The following CSMD1 variants were observed in gnomAD, a reference collection of about 807,000 sequenced individuals.
CSMD1 encodes CUB and sushi domain-containing protein 1.
In CSMD1, 213 loss-of-function variants were observed where a neutral mutation model predicts 417.5. The ratio of observed to expected loss-of-function variants is 0.51; its 90% confidence interval spans 0.46 to 0.57. CSMD1 has a LOEUF of 0.57. Among genes scored for constraint, CSMD1 ranks in the 20% least tolerant of loss-of-function variants. CSMD1 has a pLI of 0.00. For missense variants in CSMD1, 6,923 were observed against 4,529.7 expected (o/e 1.53, Z -15.17); for synonymous variants, 2,862 against 1,736.8 (o/e 1.65, Z -16.11).
intron 3 of CSMD1, among the ~76,000 whole-genome samples, chr8:4,213,854 C>G (rs541056803): frequency 4.6e-5 from 7 of 152,228 alleles, no homozygotes; most frequent in Non-Finnish European, 8.8e-5. Flanking sequence ...AGTGTTTAGG[C>G]TGAGAATCAG....
chr8:3,406,683 C>T (rs1316374053), intron 14 of CSMD1, among the ~76,000 whole-genome samples: 1 of 152,154 alleles, frequency 6.6e-6, no homozygotes, highest in African/African-American at 2.4e-5. Context: ...GTTACTATAA[C>T]ACTAAATGAA....
chr8:4,532,685 CCATT>C (rs749301937), intron 2 of CSMD1, among the ~76,000 whole-genome samples: 1 of 145,328 alleles, frequency 6.9e-6, no homozygotes, highest in Non-Finnish European at 1.5e-5. Flanking sequence ...TCCTGCACCC[CCATT>C]CAATCACTTT....
chr8:3,397,525 C>T (rs762433684), intron 16 of CSMD1, among the ~76,000 whole-genome samples: 1 of 152,208 alleles, frequency 6.6e-6, no homozygotes, highest in Non-Finnish European at 1.5e-5. Context: ...TTGTATATCA[C>T]ACATCTGGAC....
chr8:4,188,585 C>T (rs11995033), intron 3 of CSMD1, among the ~76,000 whole-genome samples: 1 of 152,050 alleles, frequency 6.6e-6, no homozygotes, highest in Non-Finnish European at 1.5e-5. Context: ...CTGACGCGCC[C>T]TACAGTTCAC....
chr8:4,512,945 G>A (rs538204139), intron 2 of CSMD1, among the ~76,000 whole-genome samples: 13 of 152,084 alleles, frequency 8.5e-5, no homozygotes, highest in African/African-American at 2.4e-4. Flanking sequence ...TAATATTTTC[G>A]AAACAGCAAA....
chr8:4,021,968 T>G (rs974879199), intron 4 of CSMD1, among the ~76,000 whole-genome samples: 2 of 151,920 alleles, frequency 1.3e-5, no homozygotes, highest in Non-Finnish European at 2.9e-5. Flanking sequence ...TTCAGTCAAG[T>G]GCTGCCTAGG....
chr8:3,262,228 T>TACACAC (rs1417438391), intron 26 of CSMD1, among the ~76,000 whole-genome samples: 6 of 78,164 alleles, frequency 7.7e-5, no homozygotes, highest in Admixed American at 2.4e-4. Context: ...TATATATATA[T>TACACAC]ATACACACAC....
At chr8:3,694,806 G>C (rs986069328) in intron 7 of CSMD1, among the ~76,000 whole-genome samples, 13 of 151,872 alleles carry the variant, frequency 8.6e-5, no homozygotes, top group African/African-American at 2.9e-4. Flanking sequence ...AAAGTGCAGG[G>C]AGCCAGGGGA....
At position 3,685,811 on chromosome 8, in the gene CSMD1, T is replaced by G. The variant is rs368611807; in HGVS notation, c.1009+22603A>C. On this transcript the variant is annotated intron_variant, in intron 7 of 69. Transcript: ENST00000635120. ...AAGTTATATACATTTATAAAGTACA[T>G]GAGATGTTTTGACACAGGCATGCGA... Among the ~76,000 whole-genome samples the G allele has an allele frequency of 1.3e-4, 20 of 152,284 alleles. No individual in the cohort carries two copies. In the South Asian group the frequency reaches 4.1e-3, roughly 32 times the overall value.
Position 4,351,515 on chromosome 8 carries a change from C to T in CSMD1, c.415+68438G>A, listed in dbSNP as rs114203626. Among the ~76,000 whole-genome samples, 433 of 152,272 alleles carry T rather than the reference C, an allele frequency of 2.8e-3. 1 individual carries two copies. The highest frequency in any genetic ancestry group is 9.5e-3 in the African/African-American group (393 of 41,548). On this transcript the variant is annotated intron_variant, in intron 3 of 69. Coordinates refer to ENST00000635120, the MANE Select transcript of CSMD1 (RefSeq NM_033225.6). ...TAGATTAGGAAGAAAATTGACAGAA[C>T]TTAAATTGTGAGATTCATGGAGGTA...
chr8:4,965,695 C>T (rs1809814060), intron 1 of CSMD1, among the ~76,000 whole-genome samples: 1 of 152,062 alleles, frequency 6.6e-6, no homozygotes, highest in Admixed American at 6.6e-5. Context: ...GCTGGATGTT[C>T]AAATAAGATA....
chr8:3,485,538 C>CACACACACAGAGAGAGAG (rs376214281), intron 11 of CSMD1, among the ~76,000 whole-genome samples: 35 of 134,922 alleles, frequency 2.6e-4, no homozygotes, highest in Non-Finnish European at 4.5e-4. Flanking sequence ...CACACACACA[C>CACACACACAGAGAGAGAG]AGAGAGAGAG....
chr8:3,981,767 G>A (rs1288775791), intron 5 of CSMD1, among the ~76,000 whole-genome samples: 2 of 152,130 alleles, frequency 1.3e-5, no homozygotes, highest in East Asian at 1.9e-4. Flanking sequence ...CGTCCGACAG[G>A]CTGTGCGCTT....
intron 12 of CSMD1, among the ~76,000 whole-genome samples, chr8:3,451,776 T>C (rs951685598): frequency 3.3e-5 from 5 of 152,200 alleles, no homozygotes; most frequent in South Asian, 2.1e-4. Flanking sequence ...TTCTTTTGGC[T>C]TAGGATTGAC....
intron 3 of CSMD1, among the ~76,000 whole-genome samples, chr8:4,366,703 TTTTA>T (rs762655958): frequency 2.7e-5 from 4 of 149,914 alleles, no homozygotes; most frequent in Non-Finnish European, 1.5e-5. Context: ...TTTCTTTTTC[TTTTA>T]TTTTATTATT....
chr8:3,293,731 AT>A (rs200959828), intron 25 of CSMD1, among the ~76,000 whole-genome samples: 8,015 of 151,886 alleles, frequency 0.053, 313 homozygotes, highest in South Asian at 0.15. Context: ...CATTCGTTTA[AT>A]TTTTTTTACA....
chr8:4,838,759 A>C (rs1238952411), intron 1 of CSMD1, among the ~76,000 whole-genome samples: 1 of 152,166 alleles, frequency 6.6e-6, no homozygotes, highest in Non-Finnish European at 1.5e-5. Flanking sequence ...ACTAACAAGG[A>C]AGCAGACCTC....
At position 3,025,295 on chromosome 8, in the gene CSMD1, T is replaced by C. The variant is rs142013734; in HGVS notation, c.7855+4024A>G. On this transcript the variant is annotated intron_variant, in intron 51 of 69. Coordinates refer to ENST00000635120, the MANE Select transcript of CSMD1 (RefSeq NM_033225.6). ...GTATTGTGTGGTGTTATTCTGAAAC[T>C]GTGTATTGTCTGGTGTTATTCTGAA... Among the ~76,000 whole-genome samples, 422 of 148,106 alleles carry C rather than the reference T, an allele frequency of 2.8e-3. 5 individuals are homozygous for C. The highest frequency in any genetic ancestry group is 5.3e-3 in the East Asian group (26 of 4,926).
intron 30 of CSMD1, among the ~76,000 whole-genome samples, chr8:3,212,419 G>C (rs1226650255): frequency 6.6e-6 from 1 of 152,114 alleles, no homozygotes. Flanking sequence ...AGCAATCTCG[G>C]CTCACTGAAA....
Sources: allele counts gnomAD v4.1 joint callset (sites outside exome capture counted in the v4.1 genomes callset), GRCh38; gene constraint gnomAD v4.1.1; transcripts MANE v1.5; gene names NCBI Gene and HGNC (gene_info 2026-07-23, HGNC 2026-07-21).